The following SMPD4 variants were observed in gnomAD, a reference collection of about 807,000 sequenced individuals.
SMPD4 encodes the protein sphingomyelin phosphodiesterase 4, also known as neutral sphingomyelinase 3.
Under a neutral mutation model 97.8 loss-of-function variants are expected in SMPD4, and 58 were observed. The observed-to-expected ratio is 0.59, with a 90% CI of 0.48 to 0.74. The LOEUF (loss-of-function observed/expected upper bound fraction) is 0.74. SMPD4 is among the 30% of genes least tolerant of loss of function. The pLI is 0.00. For missense variants in SMPD4, 853 were observed against 1,080.5 expected, an observed-to-expected ratio of 0.79 and a Z score of 2.95; for synonymous variants, 388 against 450.0, an observed-to-expected ratio of 0.86 and a Z score of 1.74.
Position 130,153,067 on chromosome 2 carries a change from C to T in SMPD4, c.2130G>A (p.Arg710=). The T allele has an allele frequency of 6.2e-7, 1 of 1,612,646 alleles. No homozygotes were observed. The highest frequency in any genetic ancestry group is 1.1e-5 in the South Asian group (1 of 91,022). ...CTCTGTGGTTGATGGCAGACGACAG[C>T]CTAAAGAGTGTGCGGACCAAGCTGG... ...EIASLVRTLF[R]LSSAINHRFA... The change falls in exon 19 of 20, where the codon AGG becomes AGA. Residue 710 remains arginine (R), a synonymous_variant. Transcript: ENST00000680298.
At chr2:130,171,872 T>C (rs1019021547) in intron 8 of SMPD4, among the ~76,000 whole-genome samples, 6 of 152,218 alleles carry the variant, frequency 3.9e-5, no homozygotes, top group Admixed American at 6.5e-5. Flanking sequence ...CAGCCAGGCA[T>C]GAGAGCCCCT....
In SMPD4 at chr2:130,154,452, A is replaced by G. The variant is rs1384037152; in HGVS notation, c.1484T>C (p.Val495Ala). Reference sequence around the variant, plus strand: ...GAGTCGGTGCTGGCGGTGGGGGATGACCAGCTCTGGCTCCAGGAATAGCTG... The same window carrying G: ...GAGTCGGTGCTGGCGGTGGGGGATGGCCAGCTCTGGCTCCAGGAATAGCTG... ...GEQLFLEPEL[V>A]IPHRQHRLFT... The change falls in exon 16 of 20, where the codon GTC becomes GCC. Residue 495 changes from valine (V) to alanine (A), a missense_variant. By Grantham distance (64) the Val-to-Ala change is moderately conservative. Around this residue, in one of 3 missense-constraint regions of SMPD4, gnomAD observed 511 missense variants for 608.1 expected, o/e 0.84. Coordinates refer to ENST00000680298, the MANE Select transcript of SMPD4 (RefSeq NM_017951.5). 1 of 1,559,424 alleles carries G rather than the reference A, an allele frequency of 6.4e-7. No individual in the cohort carries two copies. Among genetic ancestry groups the G allele is most frequent in the Non-Finnish European group, 8.7e-7 (1 of 1,151,082 alleles).
At chr2:130,181,468 A>T in intron 1 of SMPD4, 62 bp downstream of exon 1, 1 of 1,548,046 alleles carries the variant, frequency 6.5e-7, no homozygotes, top group South Asian at 1.2e-5. Flanking sequence ...TGGCCTCCGC[A>T]GGGGCTCGGG....
intron 10 of SMPD4, among the ~76,000 whole-genome samples, chr2:130,163,484 A>C (rs1390645115): frequency 1.1e-4 from 17 of 152,226 alleles, no homozygotes; most frequent in Admixed American, 1.1e-3. Flanking sequence ...GAAAAGTGAC[A>C]GGATGCTCTT....
chr2:130,181,464 C>G (rs911177505), intron 1 of SMPD4, 66 bp downstream of exon 1: 1 of 1,545,456 alleles, frequency 6.5e-7, no homozygotes, highest in African/African-American at 1.4e-5. Flanking sequence ...GAGATGGCCT[C>G]CGCAGGGGCT....
rs1282063279 is a variant in SMPD4 at position 130,160,874 on chromosome 2, G to A, written c.951+312C>T. On this transcript the variant is annotated intron_variant, in intron 11 of 19. Coordinates refer to ENST00000680298, the MANE Select transcript of SMPD4 (RefSeq NM_017951.5). ...TGAGGACTCCAGCTCTTCAAACCAG[G>A]GCCAAGCACGAGGCCTCCAACACTG... Among the ~76,000 whole-genome samples, 3 of 152,198 alleles carry A rather than the reference G, an allele frequency of 2.0e-5. 1 individual carries two copies. In the East Asian group the frequency reaches 5.8e-4, roughly 29 times the overall value.
intron 11 of SMPD4, among the ~76,000 whole-genome samples, chr2:130,160,697 G>GC (rs1443096565): frequency 2.0e-5 from 3 of 151,416 alleles, no homozygotes; most frequent in African/African-American, 7.3e-5. Context: ...TGCCTCACAC[G>GC]CAAGCTCTGG....
intron 11 of SMPD4, 128 bp downstream of exon 11, chr2:130,161,058 C>A: frequency 5.7e-6 from 5 of 870,654 alleles, no homozygotes; most frequent in South Asian, 4.9e-5. Context: ...TGCCTCCCCC[C>A]GACACAGGGG....
chr2:130,158,545 G>A (rs1233001895), intron 11 of SMPD4, among the ~76,000 whole-genome samples: 1 of 152,144 alleles, frequency 6.6e-6, no homozygotes, highest in African/African-American at 2.4e-5. Flanking sequence ...CTCCCAAAGA[G>A]AGGGAATACA....
chr2:130,156,594 C>T lies in SMPD4; in HGVS notation c.1179G>A (p.Ser393=), dbSNP rs766596166. The change falls in exon 13 of 20, where the codon TCG becomes TCA. Residue 393 remains serine (S), a synonymous_variant. Coordinates refer to ENST00000680298, the MANE Select transcript of SMPD4 (RefSeq NM_017951.5). ...CGGGGCCAACACTCACAGCTCTGAA[C>T]GATGCGTCCAGGGGCCAGTGGCCAA... is the stretch of plus-strand genomic sequence containing the variant. ...HCFGHWPLDA[S]FRAVLEMWLS... is the part of the protein sequence containing the mutation. The T allele has an allele frequency of 3.7e-6, 6 of 1,613,500 alleles. No homozygotes were observed. Among genetic ancestry groups the T allele is most frequent in the African/African-American group, 1.3e-5 (1 of 75,030 alleles).
intron 1 of SMPD4, chr2:130,181,157 A>G (rs556445472): frequency 6.1e-5 from 40 of 660,052 alleles, no homozygotes; most frequent in East Asian, 3.2e-4. Flanking sequence ...GATGTGGAGC[A>G]CACAGGGGAA....
chr2:130,156,704 G>C (rs1188387030), intron 12 of SMPD4, 29 bp from the exon 13 acceptor site: 1 of 1,604,492 alleles, frequency 6.2e-7, no homozygotes, highest in East Asian at 2.3e-5. Context: ...GTCACCTGCT[G>C]CTTGCCCAGT....
chr2:130,173,539 T>C lies in SMPD4; in HGVS notation c.244A>G (p.Ile82Val), dbSNP rs779889347. The stretch of plus-strand genomic sequence containing the variant: ...CCAGGGTCGAGAAATTCCATCACGA[T>C]GCTGTACTCCACAGGATTCACGCGC... ...QGRVNPVEYSIVMEFLDPGGP... is the reference protein window; with the variant it reads ...QGRVNPVEYSVVMEFLDPGGP... The change falls in exon 4 of 20, where the codon ATC (isoleucine) becomes GTC (valine). Residue 82 changes from isoleucine (I) to valine (V), a missense_variant. Ile to Val is a conservative substitution (Grantham distance 29). This residue lies in a region of SMPD4 where 313 missense variants were observed against 402.2 expected (regional missense o/e 0.78). Coordinates refer to ENST00000680298, the MANE Select transcript of SMPD4 (RefSeq NM_017951.5). 30 of 1,610,508 alleles carry C rather than the reference T, an allele frequency of 1.9e-5. No individual in the cohort carries two copies. The Admixed American group carries it at 2.0e-4, about 11-fold the overall frequency.
chr2:130,168,528 A>ATTTT (rs34973029), intron 8 of SMPD4, among the ~76,000 whole-genome samples: 1 of 151,090 alleles, frequency 6.6e-6, no homozygotes, highest in African/African-American at 2.4e-5. Context: ...CTCGTTATCA[A>ATTTT]TTTTTTTTTG....
chr2:130,155,271 G>C lies in SMPD4; in HGVS notation c.1290-12C>G, dbSNP rs1686664610. 1 of 1,610,104 alleles carries C rather than the reference G, an allele frequency of 6.2e-7. No individual in the cohort carries two copies. Among genetic ancestry groups the C allele is most frequent in the Non-Finnish European group, 8.5e-7 (1 of 1,178,214 alleles). On this transcript the variant is annotated splice_polypyrimidine_tract_variant and intron_variant, in intron 14 of 19. Coordinates refer to ENST00000680298, the MANE Select transcript of SMPD4 (RefSeq NM_017951.5). ...GGACAAAGGGTGCCCTGGGGACCGA[G>C]GTGGCAGGTTGGGGCCAGCCTTCCA...
In SMPD4 at chr2:130,174,927, T is replaced by C. The variant is rs1232899692; in HGVS notation, c.113A>G (p.Asp38Gly). The part of the protein sequence containing the change: ...QCQDLVKVIE[D>G]FPAKELHTIF... ...GCAGAGCTATACCTTTGCTGGAAAG[T>C]CCTCAATGACTTTAACCAAGTCTTG... is the stretch of plus-strand genomic sequence containing the variant. Residue 38 changes from aspartate (D) to glycine (G), a missense_variant, in exon 3 of 20, where the codon GAC becomes GGC. By Grantham distance (94) the Asp-to-Gly change is moderately conservative. This residue lies in a region of SMPD4 where 313 missense variants were observed against 402.2 expected (regional missense o/e 0.78). Transcript: ENST00000680298. 6.2e-7 allele frequency: 1 copy of C among 1,606,278 alleles called. No individual in the cohort carries two copies. The highest frequency in any genetic ancestry group is 1.1e-5 in the South Asian group (1 of 90,888).
At position 130,173,644 on chromosome 2, in the gene SMPD4, T is replaced by C. The variant is rs371799290; in HGVS notation, c.139A>G (p.Ile47Val). Reference protein sequence around the residue: ...EDFPAKELHTIFPWLVESIFG... With the variant: ...EDFPAKELHTVFPWLVESIFG... ...ATGCTTTCTACCAGCCATGGGAAGA[T>C]GGTGTGCAGCTCCTGAAACAATGTG... is the stretch of plus-strand genomic sequence containing the variant. The change falls in exon 4 of 20, where the codon ATC becomes GTC. Residue 47 changes from isoleucine to valine, a missense_variant. Transcript: ENST00000680298. 189 of 1,613,802 alleles carry C rather than the reference T, an allele frequency of 1.2e-4. No homozygotes were observed. Among genetic ancestry groups the C allele is most frequent in the Non-Finnish European group, 1.5e-4 (174 of 1,179,872 alleles).
At chr2:130,155,004 T>C in intron 15 of SMPD4, 92 bp downstream of exon 15, 1 of 1,500,948 alleles carries the variant, frequency 6.7e-7, no homozygotes, top group African/African-American at 1.4e-5. Context: ...GGCGTGTGGG[T>C]CCCTCTTAAA....
Position 130,153,889 on chromosome 2 carries a change from T to A in SMPD4, c.1706A>T (p.Lys569Met), listed in dbSNP as rs1359600148. 34 of 1,613,764 alleles carry A rather than the reference T, an allele frequency of 2.1e-5. 1 individual carries two copies. In the Admixed American group the frequency reaches 5.5e-4, roughly 26 times the overall value. The change falls in exon 17 of 20, where the codon AAG (lysine) becomes ATG (methionine). Residue 569 changes from lysine (K) to methionine (M), a missense_variant. Around this residue, in one of 3 missense-constraint regions of SMPD4, gnomAD observed 511 missense variants for 608.1 expected, o/e 0.84. Coordinates refer to ENST00000680298, the MANE Select transcript of SMPD4 (RefSeq NM_017951.5). ...CTCCGCACACTGGTCGGAGATGGAC[T>A]TGGCTGTGTGTTTGGCCTGTGTGAT... ...QLITQAKHTA[K>M]SISDQCAESP...
Sources: gnomAD v4.1 joint callset for allele counts (sites outside exome capture counted in the v4.1 genomes callset) on GRCh38, gnomAD v4.1.1 for gene constraint, gnomAD v4.1.1 regional missense constraint, MANE v1.5 for transcripts, NCBI Gene and HGNC (gene_info 2026-07-23, HGNC 2026-07-21) for gene names.